ADARB2: variants seen among roughly 807,000 people sequenced by gnomAD.
ADARB2 encodes the protein inactive double-stranded RNA-specific editase B2.
ADARB2 carries 25 observed loss-of-function variants against 62.2 expected under a neutral mutation model. The ratio of observed to expected loss-of-function variants is 0.40; its 90% confidence interval spans 0.29 to 0.56. The LOEUF (loss-of-function observed/expected upper bound fraction) is 0.56, where lower values mean the gene tolerates loss of function less well. Ranked by LOEUF, ADARB2 falls within the 20% of genes least tolerant of loss-of-function variation. The pLI is 0.43. For synonymous variants in ADARB2, 572 were observed against 500.8 expected (o/e 1.14, Z -1.90); for missense variants, 1,071 against 1,077.4 (o/e 0.99, Z 0.08).
At position 1,227,671 on chromosome 10, in the gene ADARB2, G is replaced by A. The variant is rs191949966; in HGVS notation, c.1513+6023C>T. Among the ~76,000 whole-genome samples, 110 of 152,246 alleles carry A rather than the reference G, an allele frequency of 7.2e-4. 1 individual carries two copies. Among genetic ancestry groups the A allele is most frequent in the Admixed American group, 2.4e-3 (36 of 15,288 alleles). On this transcript the variant is annotated intron_variant, in intron 6 of 9. Coordinates refer to ENST00000381312, the MANE Select transcript of ADARB2 (RefSeq NM_018702.4). ...AAACAACAAGAGGTTTGTCCCCTGGGGAGCTAAAGATTTATCTAAAAAGCG... is the reference window on the plus strand; with the variant it reads ...AAACAACAAGAGGTTTGTCCCCTGGAGAGCTAAAGATTTATCTAAAAAGCG...
At chr10:1,470,831 C>T (rs369838350) in intron 1 of ADARB2, among the ~76,000 whole-genome samples, 10 of 152,136 alleles carry the variant, frequency 6.6e-5, no homozygotes, top group African/African-American at 1.7e-4. Context: ...GAGGCTGAGG[C>T]GGGTGGATCA....
At chr10:1,365,632 G>A (rs1051211577) in intron 2 of ADARB2, among the ~76,000 whole-genome samples, 2 of 152,148 alleles carry the variant, frequency 1.3e-5, no homozygotes, top group African/African-American at 4.8e-5. Context: ...CTGTAATGTC[G>A]CAGTGTTTTC....
chr10:1,510,995 G>A (rs1831929255), intron 1 of ADARB2, among the ~76,000 whole-genome samples: 1 of 152,158 alleles, frequency 6.6e-6, no homozygotes, highest in Non-Finnish European at 1.5e-5. Flanking sequence ...TGGGACTATA[G>A]GTGCATGCTA....
intron 1 of ADARB2, among the ~76,000 whole-genome samples, chr10:1,419,489 C>G (rs775203119): frequency 1.3e-5 from 2 of 152,216 alleles, no homozygotes; most frequent in Non-Finnish European, 2.9e-5. Context: ...TTGGCTCATG[C>G]ATATGCTCCC....
chr10:1,226,062 T>G (rs1830742740), intron 6 of ADARB2, among the ~76,000 whole-genome samples: 1 of 152,240 alleles, frequency 6.6e-6, no homozygotes, highest in Non-Finnish European at 1.5e-5. Context: ...AGACGTAGAT[T>G]TGGTCTTTCC....
chr10:1,449,521 C>T (rs372787106), intron 1 of ADARB2, among the ~76,000 whole-genome samples: 1 of 152,348 alleles, frequency 6.6e-6, no homozygotes, highest in East Asian at 1.9e-4. Context: ...CCTTTCAGGA[C>T]CCTCTGCACT....
chr10:1,651,141 G>T (rs1428624620), intron 1 of ADARB2, among the ~76,000 whole-genome samples: 1 of 152,196 alleles, frequency 6.6e-6, no homozygotes, highest in Non-Finnish European at 1.5e-5. Flanking sequence ...ATGACAAATT[G>T]CCTCCCTGCC....
intron 1 of ADARB2, among the ~76,000 whole-genome samples, chr10:1,528,704 C>T (rs1832180843): frequency 6.6e-6 from 1 of 152,140 alleles, no homozygotes; most frequent in Non-Finnish European, 1.5e-5. Context: ...ACAGGTGATG[C>T]CCTTTGTAGT....
chr10:1,650,511 C>A (rs553694680), intron 1 of ADARB2, among the ~76,000 whole-genome samples: 1 of 152,016 alleles, frequency 6.6e-6, no homozygotes, highest in Non-Finnish European at 1.5e-5. Flanking sequence ...CGCAGGGAAA[C>A]GCACCTCCGC....
intron 7 of ADARB2, among the ~76,000 whole-genome samples, chr10:1,214,552 C>T (rs916018625): frequency 1.3e-5 from 2 of 152,062 alleles, no homozygotes; most frequent in Non-Finnish European, 2.9e-5. Flanking sequence ...GTGCCTGGAC[C>T]TGCCGGCGTC....
In ADARB2 at chr10:1,183,235, C is replaced by T; in HGVS notation, c.2178G>A (p.Val726=). The change falls in exon 10 of 10, where the codon GTG becomes GTA. Residue 726 remains valine, a synonymous_variant. Transcript: ENST00000381312. ...ACTGCTGCTGCTCCGGTGGTTTCCTCACCCAGGTGCCCAGGCCAGCCTTCT... is the reference window on the plus strand; with the variant it reads ...ACTGCTGCTGCTCCGGTGGTTTCCTTACCCAGGTGCCCAGGCCAGCCTTCT... The part of the protein sequence containing the change: ...AFQKAGLGTW[V]RKPPEQQQFL... 3 of 1,613,924 alleles carry T rather than the reference C, an allele frequency of 1.9e-6. No individual in the cohort carries two copies. The highest frequency in any genetic ancestry group is 1.7e-6 in the Non-Finnish European group (2 of 1,180,018).
At chr10:1,716,560 G>A (rs1246888592) in intron 1 of ADARB2, among the ~76,000 whole-genome samples, 1 of 152,174 alleles carries the variant, frequency 6.6e-6, no homozygotes, top group Non-Finnish European at 1.5e-5. Context: ...TTAAAGTTGA[G>A]ATAAGTTTAG....
chr10:1,569,928 G>A (rs1192525120), intron 1 of ADARB2, among the ~76,000 whole-genome samples: 1 of 151,750 alleles, frequency 6.6e-6, no homozygotes, highest in African/African-American at 2.4e-5. Flanking sequence ...AATCAAAAAG[G>A]AAACCAAAAA....
At chr10:1,375,807 C>G (rs1038303261) in intron 2 of ADARB2, among the ~76,000 whole-genome samples, 2 of 84,004 alleles carry the variant, frequency 2.4e-5, no homozygotes, top group Admixed American at 3.6e-4. Flanking sequence ...CACACACACA[C>G]CACACACATG....
chr10:1,281,627 C>T (rs1468185097), intron 3 of ADARB2, among the ~76,000 whole-genome samples: 1 of 152,226 alleles, frequency 6.6e-6, no homozygotes, highest in African/African-American at 2.4e-5. Flanking sequence ...CCGAGGGGTG[C>T]ACAGAGACTG....
chr10:1,360,033 G>A (rs1832237444), intron 3 of ADARB2, among the ~76,000 whole-genome samples: 1 of 152,236 alleles, frequency 6.6e-6, no homozygotes, highest in Non-Finnish European at 1.5e-5. Context: ...CTGAGCAGAC[G>A]TGCAGCATCT....
At chr10:1,324,079 A>G (rs1831821071) in intron 3 of ADARB2, among the ~76,000 whole-genome samples, 1 of 152,226 alleles carries the variant, frequency 6.6e-6, no homozygotes, top group South Asian at 2.1e-4. Context: ...TAAATCAGAA[A>G]TGGGCAAAAG....
intron 1 of ADARB2, among the ~76,000 whole-genome samples, chr10:1,696,955 A>G (rs1217074188): frequency 6.9e-6 from 1 of 145,076 alleles, no homozygotes; most frequent in Non-Finnish European, 1.5e-5. Flanking sequence ...TTAAAACATG[A>G]TGAGATTATT....
chr10:1,213,993 C>A (rs1837196057), intron 7 of ADARB2, among the ~76,000 whole-genome samples: 1 of 53,884 alleles, frequency 1.9e-5, no homozygotes, highest in African/African-American at 1.1e-4. Flanking sequence ...TACCTGTGCC[C>A]AGACCTGGCA....
Sources: gnomAD v4.1 joint callset for allele counts (sites outside exome capture counted in the v4.1 genomes callset) on GRCh38, gnomAD v4.1.1 for gene constraint, MANE v1.5 for transcripts, NCBI Gene and HGNC (gene_info 2026-07-23, HGNC 2026-07-21) for gene names.